The following MYO5B variants were observed in gnomAD, a reference collection of about 807,000 sequenced individuals.
The protein encoded by MYO5B is myosin VB.
Under a neutral mutation model 229.3 loss-of-function variants are expected in MYO5B, and 143 were observed. That is an observed-to-expected ratio of 0.62 (90% CI 0.54 to 0.72). The LOEUF is 0.72. Ranked by LOEUF, MYO5B falls within the 30% of genes least tolerant of loss-of-function variation. The pLI is 0.00. For synonymous variants in MYO5B, 918 were observed against 885.2 expected (o/e 1.04, Z -0.66); for missense variants, 2,321 against 2,331.0 (o/e 1.00, Z 0.09).
intron 22 of MYO5B, among the ~76,000 whole-genome samples, chr18:49,881,175 G>C (rs963114988): frequency 2.5e-4 from 38 of 152,126 alleles, no homozygotes; most frequent in African/African-American, 8.9e-4. Context: ...ACAGGGATTG[G>C]GTCCACATCA....
At chr18:49,856,507 A>G (rs2024263903) in intron 30 of MYO5B, among the ~76,000 whole-genome samples, 1 of 152,210 alleles carries the variant, frequency 6.6e-6, no homozygotes, top group African/African-American at 2.4e-5. Flanking sequence ...CTTGTTCTAA[A>G]GAGCTGTGTG....
At chr18:49,832,494 C>T (rs756121228) in intron 39 of MYO5B, among the ~76,000 whole-genome samples, 1 of 151,962 alleles carries the variant, frequency 6.6e-6, no homozygotes, top group South Asian at 2.1e-4. Context: ...TTTGTGAAAA[C>T]ACAATTTATT....
chr18:50,086,186 A>G (rs2144480296), intron 1 of MYO5B, among the ~76,000 whole-genome samples: 1 of 152,216 alleles, frequency 6.6e-6, no homozygotes, highest in Non-Finnish European at 1.5e-5. Flanking sequence ...GCCTATTTCT[A>G]CTCACTCCAG....
chr18:49,961,513 A>G (rs2025558945), intron 12 of MYO5B, among the ~76,000 whole-genome samples: 1 of 152,248 alleles, frequency 6.6e-6, no homozygotes, highest in African/African-American at 2.4e-5. Flanking sequence ...GGGAGAGCAG[A>G]AAGTAAAAGC....
In MYO5B at chr18:49,953,240, C is replaced by T; in HGVS notation, c.1752+20G>A. 3 of 1,610,880 alleles carry T rather than the reference C, an allele frequency of 1.9e-6. No individual in the cohort carries two copies. The highest frequency in any genetic ancestry group is 1.7e-6 in the Non-Finnish European group (2 of 1,177,086). On this transcript the variant is annotated intron_variant, in intron 14 of 39. Transcript: ENST00000285039. ...GCCGTGGGCATTCCTGCTCCACTCC[C>T]CACTTCTGACACTCTTTACCTTGCT...
At chr18:50,049,928 C>T (rs543410634) in intron 2 of MYO5B, among the ~76,000 whole-genome samples, 6 of 152,310 alleles carry the variant, frequency 3.9e-5, no homozygotes, top group Admixed American at 3.3e-4. Context: ...CTTAATGCCA[C>T]TGAACTGTAC....
At chr18:49,832,804 A>G (rs957277812) in intron 39 of MYO5B, among the ~76,000 whole-genome samples, 1 of 152,188 alleles carries the variant, frequency 6.6e-6, no homozygotes, top group African/African-American at 2.4e-5. Context: ...TTTAAAGGAG[A>G]GAAAGGTATT....
chr18:49,866,913 A>C (rs550053978), intron 27 of MYO5B, among the ~76,000 whole-genome samples: 2 of 152,338 alleles, frequency 1.3e-5, no homozygotes, highest in South Asian at 4.1e-4. Context: ...CAGGTCTGAC[A>C]GCTAAAGGAC....
chr18:50,059,163 G>A (rs918565033), intron 1 of MYO5B, among the ~76,000 whole-genome samples: 13 of 152,160 alleles, frequency 8.5e-5, no homozygotes, highest in South Asian at 6.2e-4. Context: ...ATCCTGGCAC[G>A]GAACAGATGC....
chr18:49,847,119 G>A (rs746786888), intron 33 of MYO5B, 27 bp downstream of exon 33: 1 of 1,613,824 alleles, frequency 6.2e-7, no homozygotes, highest in South Asian at 1.1e-5. Flanking sequence ...GGGGCAGGCA[G>A]CATAGGGTGG....
intron 7 of MYO5B, among the ~76,000 whole-genome samples, chr18:49,988,562 C>T (rs550648458): frequency 6.6e-6 from 1 of 152,294 alleles, no homozygotes; most frequent in East Asian, 1.9e-4. Flanking sequence ...TTCCCCATTA[C>T]CTTAGAATTA....
chr18:49,962,808 T>C, intron 11 of MYO5B, 141 bp downstream of exon 11: 1 of 790,926 alleles, frequency 1.3e-6, no homozygotes. Flanking sequence ...TTCCGAAAGC[T>C]GGAGGTACCA....
intron 1 of MYO5B, among the ~76,000 whole-genome samples, chr18:50,172,676 C>A (rs1226215794): frequency 6.6e-6 from 1 of 152,202 alleles, no homozygotes; most frequent in Non-Finnish European, 1.5e-5. Flanking sequence ...CTACATGTAT[C>A]CTAGGCACTG....
At chr18:49,958,780 G>A (rs571748718) in intron 12 of MYO5B, among the ~76,000 whole-genome samples, 1 of 152,254 alleles carries the variant, frequency 6.6e-6, no homozygotes, top group Admixed American at 6.5e-5. Flanking sequence ...CCACCCAAGG[G>A]ACTCACGGAG....
intron 14 of MYO5B, among the ~76,000 whole-genome samples, chr18:49,944,929 A>G (rs1032291987): frequency 5.3e-5 from 8 of 151,946 alleles, no homozygotes; most frequent in Non-Finnish European, 1.0e-4. Context: ...CTTGAAAGCA[A>G]CTCCAGTGCT....
At chr18:50,173,967 G>A (rs2032956879) in intron 1 of MYO5B, among the ~76,000 whole-genome samples, 1 of 152,182 alleles carries the variant, frequency 6.6e-6, no homozygotes, top group Non-Finnish European at 1.5e-5. Flanking sequence ...GTTTCTGGAA[G>A]AGATTGGCAT....
In MYO5B at chr18:49,840,825, T is replaced by C. The variant is rs1354261051; in HGVS notation, c.4701+540A>G. Among the ~76,000 whole-genome samples the C allele has an allele frequency of 2.6e-5, 4 of 152,198 alleles. No individual in the cohort carries two copies. In the South Asian group the frequency reaches 8.3e-4, roughly 32 times the overall value. On this transcript the variant is annotated intron_variant, in intron 35 of 39. Transcript: ENST00000285039. ...GATTGTGAAGTGATGGGGTTAGTAG[T>C]TGGGCCTCAGGTCAAGGAATCCAAT...
chr18:49,978,237 T>C (rs1326695580), intron 9 of MYO5B, among the ~76,000 whole-genome samples: 1 of 152,120 alleles, frequency 6.6e-6, no homozygotes, highest in Admixed American at 6.6e-5. Flanking sequence ...ACCCTCATAC[T>C]ATCTCCACAC....
intron 10 of MYO5B, 69 bp from the exon 11 acceptor site, chr18:49,963,099 G>T (rs1050588980): frequency 9.9e-6 from 13 of 1,314,948 alleles, no homozygotes; most frequent in South Asian, 1.2e-5. Flanking sequence ...CTTCAACAAA[G>T]CTGCTCTGAC....
Sources: gnomAD v4.1 joint callset for allele counts (sites outside exome capture counted in the v4.1 genomes callset) on GRCh38, gnomAD v4.1.1 for gene constraint, MANE v1.5 for transcripts, NCBI Gene and HGNC (gene_info 2026-07-23, HGNC 2026-07-21) for gene names.